The following AKAP9 variants were observed in gnomAD, a reference collection of about 807,000 sequenced individuals.
AKAP9 encodes the protein A-kinase anchoring protein 9, also known as A-kinase anchor protein 9.
AKAP9 carries 311 observed loss-of-function variants against 488.5 expected under a neutral mutation model. The observed-to-expected ratio is 0.64, with a 90% CI of 0.58 to 0.70. AKAP9 has a LOEUF of 0.70. AKAP9 is among the 30% of genes least tolerant of loss of function. The pLI is 0.00. For missense variants in AKAP9, 4,215 were observed against 4,374.5 expected (o/e 0.96, Z 1.03); for synonymous variants, 1,462 against 1,483.5 (o/e 0.99, Z 0.33).
intron 27 of AKAP9, among the ~76,000 whole-genome samples, 189 bp downstream of exon 27, chr7:92,070,395 GTTGTTGTTGTT>G (rs1811498664): frequency 7.0e-6 from 1 of 142,802 alleles, no homozygotes; most frequent in African/African-American, 2.7e-5. Context: ...GTTTTTTGTT[GTTGTTGTTGTT>G]TTGTTTTGTT....
At chr7:92,057,824 C>G (rs1809054201) in intron 22 of AKAP9, 1 of 223,960 alleles carries the variant, frequency 4.5e-6, no homozygotes, top group African/African-American at 2.2e-5. Context: ...TTTTATTCTT[C>G]TCTTCAAGGA....
At position 92,002,508 on chromosome 7, in the gene AKAP9, T is replaced by TA; in HGVS notation, c.2592dup (p.Gln865ThrfsTer13). 2.5e-6 allele frequency: 4 copies of TA among 1,611,328 alleles called. No individual in the cohort carries two copies. Among genetic ancestry groups the TA allele is most frequent in the Non-Finnish European group, 3.4e-6 (4 of 1,178,934 alleles). ...AACTTTGAAGTTAACTATCAAGAGT[T>TA]ACAAGAGGAGTATGCTTGCCTTCTC... On this transcript the variant is annotated frameshift_variant, in exon 8 of 50. Coordinates refer to ENST00000356239, the MANE Select transcript of AKAP9 (RefSeq NM_005751.5). LOFTEE classifies it high-confidence loss of function.
intron 1 of AKAP9, among the ~76,000 whole-genome samples, chr7:91,955,745 T>C (rs1294522353): frequency 6.6e-6 from 1 of 152,174 alleles, no homozygotes; most frequent in African/African-American, 2.4e-5. Context: ...GTGATTCTCC[T>C]GCCTCAGCCT....
intron 42 of AKAP9, 112 bp downstream of exon 42, chr7:92,097,906 G>A (rs775080018): frequency 1.2e-4 from 124 of 1,074,258 alleles, no homozygotes; most frequent in Middle Eastern, 2.0e-4. Context: ...AAGGTAATGC[G>A]TGTTTACATT....
At chr7:91,996,001 G>A (rs761996602) in intron 7 of AKAP9, 117 of 593,298 alleles carry the variant, frequency 2.0e-4, no homozygotes, top group Non-Finnish European at 2.5e-4. Context: ...CCCTAAAAGT[G>A]ATCAGCCTAT....
intron 8 of AKAP9, among the ~76,000 whole-genome samples, chr7:92,010,369 A>G (rs918373276): frequency 6.6e-6 from 1 of 152,250 alleles, no homozygotes; most frequent in Non-Finnish European, 1.5e-5. Flanking sequence ...GTGACCAGAT[A>G]ATTACCCACA....
chr7:92,106,890 C>T (rs1204857167), intron 47 of AKAP9, among the ~76,000 whole-genome samples: 1 of 152,116 alleles, frequency 6.6e-6, no homozygotes, highest in East Asian at 1.9e-4. Context: ...TAAAAGTTAG[C>T]AAATCTTGGT....
At position 91,980,294 on chromosome 7, in the gene AKAP9, A is replaced by T. The variant is rs1230951975; in HGVS notation, c.312A>T (p.Glu104Asp). The change falls in exon 3 of 50, where the codon GAA becomes GAT. Residue 104 changes from glutamate (E) to aspartate (D), a missense_variant. Physicochemically the swap from Glu to Asp is conservative, Grantham distance 45. Coordinates refer to ENST00000356239, the MANE Select transcript of AKAP9 (RefSeq NM_005751.5). ...GGTTTTTATTTTTGTTTTAGCTGGA[A>T]AGTGAAATTTCAACCACAGCAGATG... is the stretch of plus-strand genomic sequence containing the variant. ...SHEQGFSVEL[E>D]SEISTTADDC... 1.9e-6 allele frequency: 3 copies of T among 1,583,842 alleles called. No homozygotes were observed. The Admixed American group carries it at 5.1e-5, about 27-fold the overall frequency.
At chr7:92,095,860 A>G (rs1290235787) in intron 40 of AKAP9, among the ~76,000 whole-genome samples, 3 of 152,160 alleles carry the variant, frequency 2.0e-5, no homozygotes, top group South Asian at 2.1e-4. Flanking sequence ...CAGGGACATG[A>G]TATCTCCCTA....
chr7:92,067,911 C>T (rs1274505811), intron 26 of AKAP9, among the ~76,000 whole-genome samples: 1 of 152,158 alleles, frequency 6.6e-6, no homozygotes, highest in East Asian at 1.9e-4. Flanking sequence ...ATAGTGAACA[C>T]TTTAACTAGT....
chr7:92,076,799 T>A, intron 28 of AKAP9, 56 bp from the exon 29 acceptor site: 7 of 1,089,108 alleles, frequency 6.4e-6, no homozygotes, highest in Non-Finnish European at 7.9e-6. Flanking sequence ...CTTCATTTTA[T>A]CTTGATAAAC....
At chr7:91,967,620 TTAAC>T (rs1299909783) in intron 1 of AKAP9, among the ~76,000 whole-genome samples, 2 of 152,246 alleles carry the variant, frequency 1.3e-5, no homozygotes, top group Non-Finnish European at 2.9e-5. Context: ...TTGCACATGT[TTAAC>T]TATCCTTGTG....
At chr7:92,067,131 T>TAAATGATGGAGTG (rs1810896732) in intron 26 of AKAP9, among the ~76,000 whole-genome samples, 1 of 152,212 alleles carries the variant, frequency 6.6e-6, no homozygotes, top group African/African-American at 2.4e-5. Flanking sequence ...CTACCCAGCA[T>TAAATGATGGAGTG]AAATGATGGA....
At chr7:92,020,004 A>G (rs1048575036) in intron 12 of AKAP9, among the ~76,000 whole-genome samples, 2 of 151,576 alleles carry the variant, frequency 1.3e-5, no homozygotes, top group African/African-American at 4.9e-5. Flanking sequence ...ACAGAGTGAG[A>G]CTCCATCTCA....
chr7:91,978,994 T>A (rs1584677858), intron 2 of AKAP9, among the ~76,000 whole-genome samples: 1 of 148,626 alleles, frequency 6.7e-6, no homozygotes, highest in African/African-American at 2.5e-5. Flanking sequence ...GCTAGGCAGG[T>A]CTCGAACTCC....
At chr7:91,972,260 A>G (rs769941049) in intron 1 of AKAP9, among the ~76,000 whole-genome samples, 2 of 152,104 alleles carry the variant, frequency 1.3e-5, no homozygotes, top group Non-Finnish European at 2.9e-5. Context: ...TTTCAGGGCT[A>G]GGAATGGTAG....
At chr7:92,007,658 T>C (rs773172698) in intron 8 of AKAP9, among the ~76,000 whole-genome samples, 7 of 152,250 alleles carry the variant, frequency 4.6e-5, no homozygotes, top group African/African-American at 1.7e-4. Context: ...GTAATCCTTA[T>C]GTAGTTCCAT....
chr7:92,106,202 C>G (rs1818485422), intron 47 of AKAP9, among the ~76,000 whole-genome samples: 1 of 152,132 alleles, frequency 6.6e-6, no homozygotes, highest in Non-Finnish European at 1.5e-5. Context: ...GCAATGTTTT[C>G]CAAAGACAAA....
chr7:92,025,912 G>A (rs79892521), intron 14 of AKAP9, among the ~76,000 whole-genome samples: 27 of 152,240 alleles, frequency 1.8e-4, no homozygotes, highest in African/African-American at 5.8e-4. Flanking sequence ...ATAATTTTTC[G>A]AAGGTAATGG....
Sources: allele counts gnomAD v4.1 joint callset (sites outside exome capture counted in the v4.1 genomes callset), GRCh38; gene constraint gnomAD v4.1.1; transcripts MANE v1.5; gene names NCBI Gene and HGNC (gene_info 2026-07-23, HGNC 2026-07-21).